SCEL: variants seen among roughly 807,000 people sequenced by gnomAD.
SCEL encodes the protein sciellin.
A neutral mutation model predicts 117.6 loss-of-function variants in SCEL; 113 were observed. The observed-to-expected ratio is 0.96, with a 90% CI of 0.83 to 1.12. The LOEUF is 1.12. Ranked by LOEUF, SCEL falls within the 50% of genes most tolerant of loss-of-function variation. SCEL has a pLI of 0.00. For synonymous variants in SCEL, 270 were observed against 256.2 expected (o/e 1.05, Z -0.51); for missense variants, 785 against 810.8 (o/e 0.97, Z 0.39).
intron 12 of SCEL, among the ~76,000 whole-genome samples, chr13:77,595,978 C>G (rs2087204829): frequency 2.0e-5 from 3 of 152,150 alleles, no homozygotes; most frequent in African/African-American, 7.2e-5. Context: ...AATTGCATCT[C>G]TCTCTAAAGG....
At chr13:77,587,016 A>G (rs1341601107) in intron 9 of SCEL, among the ~76,000 whole-genome samples, 1 of 151,768 alleles carries the variant, frequency 6.6e-6, no homozygotes, top group Non-Finnish European at 1.5e-5. Context: ...CCATCTTACT[A>G]CGTTTCCTGG....
At chr13:77,600,248 C>G (rs9544549) in intron 15 of SCEL, among the ~76,000 whole-genome samples, 15,708 of 152,082 alleles carry the variant, frequency 0.1, 1,356 homozygotes, top group East Asian at 0.44. Flanking sequence ...TTTGCCCCAG[C>G]CTTCCGAGTA....
Position 77,642,791 on chromosome 13 carries a change from G to A in SCEL, c.2033G>A (p.Cys678Tyr), listed in dbSNP as rs769745610. The A allele has an allele frequency of 5.0e-6, 8 of 1,591,986 alleles. No homozygotes were observed. The East Asian group carries it at 1.6e-4, about 31-fold the overall frequency. Residue 678 changes from cysteine to tyrosine, a missense_variant, in exon 32 of 33, where the codon TGC becomes TAC. Transcript: ENST00000349847. The stretch of plus-strand genomic sequence containing the variant: ...AGACAGACAATACACTGTGAACCTT[G>A]CTACTCTAAAATTATGGGTAAGTGT... ...IYRQTIHCEP[C>Y]YSKIMAKWIP
intron 28 of SCEL, among the ~76,000 whole-genome samples, chr13:77,633,636 A>G (rs2090140050): frequency 6.6e-6 from 1 of 152,118 alleles, no homozygotes; most frequent in African/African-American, 2.4e-5. Context: ...CTACACAACC[A>G]GTCCACAAGA....
intron 27 of SCEL, among the ~76,000 whole-genome samples, chr13:77,619,242 A>G (rs1258504686): frequency 6.6e-6 from 1 of 152,208 alleles, no homozygotes; most frequent in Non-Finnish European, 1.5e-5. Context: ...TCTGAGTATC[A>G]TATTTTCTTC....
At chr13:77,588,812 A>C (rs953285570) in intron 9 of SCEL, among the ~76,000 whole-genome samples, 2 of 152,176 alleles carry the variant, frequency 1.3e-5, no homozygotes, top group Non-Finnish European at 2.9e-5. Context: ...TACAGTTCTC[A>C]TGCACTGCTG....
chr13:77,571,049 C>T (rs180874067), intron 8 of SCEL, among the ~76,000 whole-genome samples: 73 of 151,322 alleles, frequency 4.8e-4, no homozygotes, highest in Admixed American at 2.4e-3. Context: ...CCAGGCTGGT[C>T]TTGAGCTCCT....
intron 31 of SCEL, among the ~76,000 whole-genome samples, chr13:77,642,179 A>G (rs1273668469): frequency 1.3e-5 from 2 of 152,148 alleles, no homozygotes; most frequent in Non-Finnish European, 2.9e-5. Context: ...TGATTGTTCT[A>G]TAGCCATAGC....
Position 77,597,430 on chromosome 13 carries a change from G to A in SCEL, c.753-115G>A, listed in dbSNP as rs2087310545. The A allele has an allele frequency of 8.3e-6, 5 of 602,368 alleles. No homozygotes were observed. The South Asian group carries it at 9.6e-5, about 12-fold the overall frequency. 37.3% of individuals were successfully genotyped at this position (602,368 alleles called of 1,614,324 possible). The stretch of plus-strand genomic sequence containing the variant: ...TTTGAGGATCATCAGGATTTTCGCA[G>A]ATGATAAAAGTGGGATGTGTTGTAT... On this transcript the variant is annotated intron_variant, in intron 12 of 32. Coordinates refer to ENST00000349847, the MANE Select transcript of SCEL (RefSeq NM_144777.3).
intron 28 of SCEL, among the ~76,000 whole-genome samples, chr13:77,629,606 GTT>G: frequency 6.6e-6 from 1 of 152,298 alleles, no homozygotes; most frequent in East Asian, 1.9e-4. Flanking sequence ...CAAGGGGAAA[GTT>G]CCACTTTGCC....
chr13:77,569,592 T>G, intron 8 of SCEL, 141 bp downstream of exon 8: 1 of 600,116 alleles, frequency 1.7e-6, no homozygotes, highest in South Asian at 2.2e-5. Context: ...AGCAATCTCT[T>G]TCTCAAATAT....
intron 1 of SCEL, among the ~76,000 whole-genome samples, chr13:77,542,077 A>C (rs2083730904): frequency 6.6e-6 from 1 of 152,214 alleles, no homozygotes; most frequent in African/African-American, 2.4e-5. Context: ...GCCACTATTC[A>C]TGTTAAAGCT....
intron 27 of SCEL, among the ~76,000 whole-genome samples, chr13:77,621,247 A>C (rs189537594): frequency 6.6e-6 from 1 of 152,244 alleles, no homozygotes; most frequent in Non-Finnish European, 1.5e-5. Flanking sequence ...CCATTGCATA[A>C]TGGCCATGCT....
intron 31 of SCEL, among the ~76,000 whole-genome samples, chr13:77,641,877 A>G (rs2090572486): frequency 6.6e-6 from 1 of 152,150 alleles, no homozygotes. Flanking sequence ...TTAGGGCATA[A>G]TGTACAGAAT....
At chr13:77,558,819 C>CAAAA (rs58052726) in intron 3 of SCEL, among the ~76,000 whole-genome samples, 3 of 89,710 alleles carry the variant, frequency 3.3e-5, no homozygotes, top group Non-Finnish European at 6.1e-5. Flanking sequence ...CTCTGTCTTA[C>CAAAA]AAAAAAAAAA....
At chr13:77,624,644 T>C (rs1320490560) in intron 27 of SCEL, among the ~76,000 whole-genome samples, 3 of 152,098 alleles carry the variant, frequency 2.0e-5, no homozygotes, top group African/African-American at 7.2e-5. Flanking sequence ...CTGAGAGCTG[T>C]GCAAAAAGGA....
intron 17 of SCEL, 175 bp from the exon 18 acceptor site, chr13:77,602,901 C>A: frequency 1.6e-6 from 1 of 625,892 alleles, no homozygotes; most frequent in Non-Finnish European, 2.7e-6. Context: ...CCAATAAAAT[C>A]CTAAGGATTA....
intron 9 of SCEL, among the ~76,000 whole-genome samples, chr13:77,576,525 G>T (rs778526508): frequency 1.3e-5 from 2 of 152,040 alleles, no homozygotes; most frequent in Non-Finnish European, 1.5e-5. Flanking sequence ...TTGTGTGCTC[G>T]CCACTTCTTC....
chr13:77,642,180 T>C (rs1226020030), intron 31 of SCEL, among the ~76,000 whole-genome samples: 1 of 152,114 alleles, frequency 6.6e-6, no homozygotes, highest in Non-Finnish European at 1.5e-5. Context: ...GATTGTTCTA[T>C]AGCCATAGCA....
Sources: allele counts gnomAD v4.1 joint callset (sites outside exome capture counted in the v4.1 genomes callset), GRCh38; gene constraint gnomAD v4.1.1; transcripts MANE v1.5; gene names NCBI Gene and HGNC (gene_info 2026-07-23, HGNC 2026-07-21).